DST: variants seen among roughly 807,000 people sequenced by gnomAD.
DST encodes dystonin.
DST carries 253 observed loss-of-function variants against 875.2 expected under a neutral mutation model. The observed-to-expected ratio is 0.29, with a 90% CI of 0.26 to 0.32. DST has a LOEUF of 0.32. Among genes scored for constraint, DST ranks in the 10% least tolerant of loss-of-function variants. The pLI, the probability that DST is intolerant of heterozygous loss-of-function variation, is 1.00. For synonymous variants in DST, 3,124 were observed against 3,197.1 expected (o/e 0.98, Z 0.77); for missense variants, 8,287 against 9,111.6 (o/e 0.91, Z 3.68).
chr6:56,678,539 T>C (rs1465143583), intron 9 of DST, among the ~76,000 whole-genome samples: 1 of 152,170 alleles, frequency 6.6e-6, no homozygotes, highest in Non-Finnish European at 1.5e-5. Flanking sequence ...AAGAGTAGTT[T>C]ATTATTATAA....
At chr6:56,786,540 TGTTTG>T (rs1353348579) in intron 4 of DST, among the ~76,000 whole-genome samples, 1 of 152,208 alleles carries the variant, frequency 6.6e-6, no homozygotes, top group Non-Finnish European at 1.5e-5. Flanking sequence ...TGTTTTGTTT[TGTTTG>T]TTTTTGAGAC....
chr6:56,674,913 C>T (rs1057445363), intron 9 of DST, among the ~76,000 whole-genome samples: 1 of 152,138 alleles, frequency 6.6e-6, no homozygotes, highest in Non-Finnish European at 1.5e-5. Flanking sequence ...AGAAACAATC[C>T]TTCAATTTGA....
chr6:56,687,386 G>A (rs1042663120), intron 9 of DST, among the ~76,000 whole-genome samples: 1 of 152,144 alleles, frequency 6.6e-6, no homozygotes, highest in Non-Finnish European at 1.5e-5. Flanking sequence ...GAAGATTGGT[G>A]CAAAGCTGTG....
At position 56,508,376 on chromosome 6, in the gene DST, G is replaced by T. The variant is rs145500516; in HGVS notation, c.19239+153C>A. Among the ~76,000 whole-genome samples the T allele has an allele frequency of 3.2e-3, 480 of 152,084 alleles. 3 individuals carry two copies. Among genetic ancestry groups the T allele is most frequent in the African/African-American group, 0.011 (464 of 41,502 alleles). The stretch of plus-strand genomic sequence containing the variant: ...ATACAATCTCAAAGTGAAATTTGTG[G>T]GTATACTCTATCTCCTACTGTATCA... On this transcript the variant is annotated intron_variant, in intron 75 of 103. Coordinates refer to ENST00000680361, the MANE Select transcript of DST (RefSeq NM_001374736.1).
intron 4 of DST, among the ~76,000 whole-genome samples, chr6:56,759,427 G>C (rs756158094): frequency 9.2e-5 from 14 of 151,928 alleles, no homozygotes; most frequent in Admixed American, 3.9e-4. Flanking sequence ...CTCCAGCCTG[G>C]GTGACAGAGT....
At chr6:56,759,272 AC>A (rs2049907789) in intron 4 of DST, among the ~76,000 whole-genome samples, 1 of 152,064 alleles carries the variant, frequency 6.6e-6, no homozygotes, top group African/African-American at 2.4e-5. Flanking sequence ...ACATGGTGAA[AC>A]CCTGTCTCTA....
chr6:56,588,604 T>A (rs1315985982), intron 49 of DST, among the ~76,000 whole-genome samples: 4 of 152,132 alleles, frequency 2.6e-5, no homozygotes, highest in African/African-American at 9.7e-5. Context: ...GCTCCAAAAA[T>A]TTTTTTCAGG....
intron 4 of DST, among the ~76,000 whole-genome samples, chr6:56,787,660 T>G (rs2099707779): frequency 6.6e-6 from 1 of 152,204 alleles, no homozygotes; most frequent in African/African-American, 2.4e-5. Flanking sequence ...CCATAGTGAT[T>G]AATTATGTTT....
chr6:56,471,953 C>CTTA (rs2094918749), intron 94 of DST, 106 bp downstream of exon 94: 1 of 1,128,848 alleles, frequency 8.9e-7, no homozygotes, highest in African/African-American at 1.5e-5. Flanking sequence ...CAAGAGTTTG[C>CTTA]TTATTATCAG....
chr6:56,577,488 T>G (rs757756251), intron 50 of DST, among the ~76,000 whole-genome samples: 5 of 152,206 alleles, frequency 3.3e-5, no homozygotes, highest in Non-Finnish European at 5.9e-5. Flanking sequence ...TCACATGACT[T>G]ATACATACAT....
chr6:56,833,863 C>T (rs2099790291), intron 4 of DST, among the ~76,000 whole-genome samples: 1 of 151,810 alleles, frequency 6.6e-6, no homozygotes, highest in South Asian at 2.1e-4. Context: ...CAAAACATAT[C>T]TGATAAAGGA....
intron 3 of DST, among the ~76,000 whole-genome samples, chr6:56,855,808 A>G (rs1693911918): frequency 6.6e-6 from 1 of 152,200 alleles, no homozygotes; most frequent in South Asian, 2.1e-4. Flanking sequence ...CTATGCCCAC[A>G]GTCACTCAGA....
intron 4 of DST, among the ~76,000 whole-genome samples, chr6:56,746,881 G>T (rs1284344434): frequency 6.6e-6 from 1 of 152,158 alleles, no homozygotes; most frequent in African/African-American, 2.4e-5. Flanking sequence ...TGGTCTGAAG[G>T]CAGAGTTAAG....
At chr6:56,598,442 A>G in intron 46 of DST, 34 bp downstream of exon 46, 1 of 1,297,496 alleles carries the variant, frequency 7.7e-7, no homozygotes. Flanking sequence ...GCTTTTTGAC[A>G]TAGCAATAGT....
At chr6:56,746,325 T>C (rs1430658472) in intron 4 of DST, among the ~76,000 whole-genome samples, 1 of 152,196 alleles carries the variant, frequency 6.6e-6, no homozygotes, top group African/African-American at 2.4e-5. Flanking sequence ...GTGTCCACTG[T>C]AACTTAAAAT....
chr6:56,692,518 C>T (rs2099237471), intron 9 of DST: 1 of 1,289,718 alleles, frequency 7.8e-7, no homozygotes, highest in Non-Finnish European at 1.0e-6. Context: ...TTCTTGAATA[C>T]TGCTATAACT....
chr6:56,826,276 A>G (rs1317994642), intron 4 of DST, among the ~76,000 whole-genome samples: 1 of 152,228 alleles, frequency 6.6e-6, no homozygotes, highest in Non-Finnish European at 1.5e-5. Flanking sequence ...TATTAAGTCA[A>G]TGTCACTTAA....
chr6:56,669,246 A>T (rs909848856), intron 10 of DST, among the ~76,000 whole-genome samples: 1 of 151,390 alleles, frequency 6.6e-6, no homozygotes, highest in Non-Finnish European at 1.5e-5. Flanking sequence ...CTTTAGAAAT[A>T]TAGCAAGTTA....
At chr6:56,724,018 A>T (rs892967423) in intron 5 of DST, among the ~76,000 whole-genome samples, 6 of 152,216 alleles carry the variant, frequency 3.9e-5, no homozygotes, top group Non-Finnish European at 7.3e-5. Context: ...AACACTGGAA[A>T]ATTAATTTTA....
Sources: allele counts gnomAD v4.1 joint callset (sites outside exome capture counted in the v4.1 genomes callset), GRCh38; gene constraint gnomAD v4.1.1; transcripts MANE v1.5; gene names NCBI Gene and HGNC (gene_info 2026-07-23, HGNC 2026-07-21).